The following KCMF1 variants were observed in gnomAD, a reference collection of about 807,000 sequenced individuals.
KCMF1 encodes the protein E3 ubiquitin-protein ligase KCMF1.
Under a neutral mutation model 41.1 loss-of-function variants are expected in KCMF1, and 3 were observed. The ratio of observed to expected loss-of-function variants is 0.07; its 90% confidence interval spans 0.03 to 0.19. The LOEUF is 0.19. KCMF1 is among the 10% of genes least tolerant of loss of function. KCMF1 has a pLI of 1.00. For missense variants in KCMF1, 286 were observed against 488.9 expected (o/e 0.58, Z 3.91); for synonymous variants, 142 against 164.5 (o/e 0.86, Z 1.04).
At chr2:84,993,875 C>G (rs1674108656) in intron 1 of KCMF1, among the ~76,000 whole-genome samples, 1 of 151,198 alleles carries the variant, frequency 6.6e-6, no homozygotes, top group Non-Finnish European at 1.5e-5. Context: ...TGCGCTTGAC[C>G]TACCCCCCAT....
At chr2:84,991,053 G>T (rs1034072863) in intron 1 of KCMF1, among the ~76,000 whole-genome samples, 2 of 152,188 alleles carry the variant, frequency 1.3e-5, no homozygotes, top group African/African-American at 4.8e-5. Context: ...GGCTGCTTTA[G>T]TCAGAAGATG....
intron 1 of KCMF1, among the ~76,000 whole-genome samples, chr2:85,008,878 C>T (rs545478591): frequency 1.6e-4 from 24 of 151,944 alleles, no homozygotes; most frequent in African/African-American, 4.6e-4. Context: ...AGTCCTCCCC[C>T]GCTCAGTCTC....
chr2:84,988,495 A>G (rs1196693118), intron 1 of KCMF1, among the ~76,000 whole-genome samples: 1 of 152,188 alleles, frequency 6.6e-6, no homozygotes, highest in Non-Finnish European at 1.5e-5. Flanking sequence ...CTTCCCTAAG[A>G]TGGCACAGTG....
At chr2:84,982,389 C>CGTTTTTTTTTTTT (rs1673784118) in intron 1 of KCMF1, among the ~76,000 whole-genome samples, 1 of 47,254 alleles carries the variant, frequency 2.1e-5, no homozygotes, top group African/African-American at 8.9e-5. Context: ...TCCTTATTTT[C>CGTTTTTTTTTTTT]TTTTTTTTTT....
chr2:85,043,678 G>A lies in KCMF1; in HGVS notation c.426+13G>A, dbSNP rs774725985. The A allele has an allele frequency of 1.3e-6, 2 of 1,490,830 alleles. No homozygotes were observed. Among genetic ancestry groups the A allele is most frequent in the South Asian group, 2.3e-5 (2 of 87,508 alleles). The allele number at this position is 1,490,830 out of a possible 1,614,324, so 92.4% of individuals were successfully genotyped here. On this transcript the variant is annotated intron_variant, in intron 4 of 6. Coordinates refer to ENST00000409785, the MANE Select transcript of KCMF1 (RefSeq NM_020122.5). The stretch of plus-strand genomic sequence containing the variant: ...CCCTAGAGATTTAATATCCTTTTAA[G>A]AGATGACAAGGAAAAGAGTTGTTTG...
intron 6 of KCMF1, among the ~76,000 whole-genome samples, chr2:85,051,067 T>C (rs1012315312): frequency 3.3e-5 from 5 of 152,240 alleles, no homozygotes; most frequent in African/African-American, 1.2e-4. Flanking sequence ...ATCTGGCCTA[T>C]AGTAAAGGTC....
At chr2:85,046,982 A>G (rs570947475) in intron 5 of KCMF1, among the ~76,000 whole-genome samples, 64 of 152,198 alleles carry the variant, frequency 4.2e-4, no homozygotes, top group Non-Finnish European at 8.4e-4. Context: ...TAATTTATAA[A>G]TTAGGTGCCT....
At chr2:85,031,332 A>G (rs1206752300) in intron 2 of KCMF1, among the ~76,000 whole-genome samples, 4 of 152,250 alleles carry the variant, frequency 2.6e-5, no homozygotes, top group Non-Finnish European at 5.9e-5. Flanking sequence ...TAGTTATCAC[A>G]GTATGAGTTT....
intron 3 of KCMF1, among the ~76,000 whole-genome samples, chr2:85,038,799 GT>G (rs1675460133): frequency 1.3e-5 from 2 of 152,160 alleles, no homozygotes; most frequent in Admixed American, 6.5e-5. Context: ...AAGCCTGGGT[GT>G]TTCTGTAGCT....
At chr2:84,978,053 A>G (rs1402176847) in intron 1 of KCMF1, among the ~76,000 whole-genome samples, 1 of 151,384 alleles carries the variant, frequency 6.6e-6, no homozygotes, top group African/African-American at 2.4e-5. Context: ...GCTGGGGTGC[A>G]ATGAGGCGAT....
chr2:85,022,886 C>CTTTTTT (rs34732141), intron 1 of KCMF1, among the ~76,000 whole-genome samples: 10 of 111,726 alleles, frequency 9.0e-5, no homozygotes, highest in East Asian at 2.6e-4. Flanking sequence ...TGTATGTATT[C>CTTTTTT]TTTTTTTTTT....
chr2:84,973,362 T>C (rs1673449643), intron 1 of KCMF1, among the ~76,000 whole-genome samples: 1 of 152,128 alleles, frequency 6.6e-6, no homozygotes, highest in Non-Finnish European at 1.5e-5. Flanking sequence ...TAAGCCCATT[T>C]CCCCCCATTT....
chr2:85,026,729 C>T (rs1675117444), intron 1 of KCMF1, among the ~76,000 whole-genome samples: 1 of 152,030 alleles, frequency 6.6e-6, no homozygotes, highest in African/African-American at 2.4e-5. Flanking sequence ...CTCAAGCCAT[C>T]CCCCTGCCTC....
chr2:85,048,324 AAATT>A (rs1675722181), intron 5 of KCMF1, among the ~76,000 whole-genome samples: 1 of 152,210 alleles, frequency 6.6e-6, no homozygotes, highest in Non-Finnish European at 1.5e-5. Context: ...CAGGCACTAA[AAATT>A]AAAGTAGTTT....
At chr2:85,015,655 A>G (rs528115636) in intron 1 of KCMF1, among the ~76,000 whole-genome samples, 1 of 152,340 alleles carries the variant, frequency 6.6e-6, no homozygotes, top group African/African-American at 2.4e-5. Flanking sequence ...CACAAAGTTC[A>G]TAAAGAACTC....
intron 1 of KCMF1, among the ~76,000 whole-genome samples, chr2:85,010,673 T>G (rs1377527198): frequency 2.0e-5 from 3 of 152,124 alleles, no homozygotes; most frequent in African/African-American, 7.2e-5. Flanking sequence ...GTGGCTACCA[T>G]ATTGGACAGC....
At chr2:85,008,340 G>C (rs868145789) in intron 1 of KCMF1, among the ~76,000 whole-genome samples, 2 of 27,318 alleles carry the variant, frequency 7.3e-5, no homozygotes, top group African/African-American at 1.1e-4. Context: ...TATATAATAT[G>C]ATATATAATA....
rs79755534 is a variant in KCMF1 at position 84,999,741 on chromosome 2, G to T, written c.17-28148G>T. ...GGGAAATAATTTTGTTTGATGTAGGGATAACATAAGACAAATTACATACTT... is the reference window on the plus strand; with the variant it reads ...GGGAAATAATTTTGTTTGATGTAGGTATAACATAAGACAAATTACATACTT... On this transcript the variant is annotated intron_variant, in intron 1 of 6. Coordinates refer to ENST00000409785, the MANE Select transcript of KCMF1 (RefSeq NM_020122.5). Among the ~76,000 whole-genome samples the T allele has an allele frequency of 9.8e-3, 1,488 of 152,244 alleles. 26 individuals are homozygous for T. Among genetic ancestry groups the T allele is most frequent in the African/African-American group, 0.034 (1,396 of 41,534 alleles).
intron 1 of KCMF1, among the ~76,000 whole-genome samples, chr2:84,973,265 GA>G (rs1312227753): frequency 6.6e-6 from 1 of 152,214 alleles, no homozygotes. Flanking sequence ...GTCCTGGGAA[GA>G]AAATTCCTTC....
Sources: gnomAD v4.1 joint callset for allele counts (sites outside exome capture counted in the v4.1 genomes callset) on GRCh38, gnomAD v4.1.1 for gene constraint, MANE v1.5 for transcripts, NCBI Gene and HGNC (gene_info 2026-07-23, HGNC 2026-07-21) for gene names.